Variants in TOX observed in about 807,000 individuals in gnomAD.
The protein encoded by TOX is thymocyte selection associated high mobility group box, also known as thymocyte selection-associated high mobility group box protein TOX.
A neutral mutation model predicts 53.7 loss-of-function variants in TOX; 11 were observed. That is an observed-to-expected ratio of 0.20 (90% CI 0.13 to 0.34). The LOEUF (loss-of-function observed/expected upper bound fraction) is 0.34, where lower values mean the gene tolerates loss of function less well. Ranked by LOEUF, TOX falls within the 10% of genes least tolerant of loss-of-function variation. TOX has a pLI of 1.00. For missense variants in TOX, 570 were observed against 664.6 expected (o/e 0.86, Z 1.56); for synonymous variants, 225 against 245.3 (o/e 0.92, Z 0.77).
At chr8:58,944,871 A>T (rs1812501808) in intron 2 of TOX, among the ~76,000 whole-genome samples, 1 of 152,206 alleles carries the variant, frequency 6.6e-6, no homozygotes, top group African/African-American at 2.4e-5. Flanking sequence ...TTATAAAGGA[A>T]TTTCAGTATA....
intron 3 of TOX, among the ~76,000 whole-genome samples, chr8:58,856,398 C>T (rs60665035): frequency 0.32 from 48,972 of 151,960 alleles, 8,052 homozygotes; most frequent in Middle Eastern, 0.35. Context: ...AATGGTATTC[C>T]AAATATTCAA....
intron 3 of TOX, among the ~76,000 whole-genome samples, chr8:58,934,343 C>T (rs529670677): frequency 1.3e-5 from 2 of 152,302 alleles, no homozygotes; most frequent in East Asian, 1.9e-4. Context: ...TCTATGTATG[C>T]TGCACCCCAA....
intron 4 of TOX, among the ~76,000 whole-genome samples, chr8:58,843,937 T>G (rs553694770): frequency 6.8e-4 from 103 of 152,330 alleles, no homozygotes; most frequent in Non-Finnish European, 7.4e-4. Flanking sequence ...CGGATGCACT[T>G]TGAAAGATAC....
chr8:58,983,591 T>C (rs1488621359), intron 1 of TOX, among the ~76,000 whole-genome samples: 2 of 152,256 alleles, frequency 1.3e-5, no homozygotes, highest in East Asian at 1.9e-4. Flanking sequence ...TGAAAATCTG[T>C]AGAACTCCAT....
intron 1 of TOX, among the ~76,000 whole-genome samples, chr8:59,095,679 C>T (rs574003958): frequency 2.4e-4 from 37 of 152,304 alleles, no homozygotes; most frequent in Middle Eastern, 3.4e-3. Flanking sequence ...GGATTACAGG[C>T]GTGAGCCACT....
chr8:58,889,990 A>C (rs2129171776), intron 3 of TOX, among the ~76,000 whole-genome samples: 1 of 152,320 alleles, frequency 6.6e-6, no homozygotes, highest in East Asian at 1.9e-4. Context: ...TATTATTCAT[A>C]AAGGTTGGGT....
Position 58,825,670 on chromosome 8 carries a change from G to A in TOX, c.1005+1152C>T, listed in dbSNP as rs563396850. ...GGAGAATTAACTTTTTAAAAGCCCC[G>A]CTATGTTTTTGGCATAATTATCTGT... On this transcript the variant is annotated intron_variant, in intron 6 of 8. Coordinates refer to ENST00000361421, the MANE Select transcript of TOX (RefSeq NM_014729.3). Among the ~76,000 whole-genome samples the A allele has an allele frequency of 7.9e-5, 12 of 152,158 alleles. No individual in the cohort carries two copies. In the South Asian group the frequency reaches 1.5e-3, roughly 18 times the overall value.
chr8:59,057,146 G>A (rs556480149), intron 1 of TOX, among the ~76,000 whole-genome samples: 7 of 151,984 alleles, frequency 4.6e-5, no homozygotes, highest in Non-Finnish European at 8.8e-5. Flanking sequence ...GTGCTGCCTT[G>A]AGCACTACAT....
In TOX at chr8:58,885,629, G is replaced by A. The variant is rs569191051; in HGVS notation, c.412-33824C>T. Among the ~76,000 whole-genome samples, 16 of 152,140 alleles carry A rather than the reference G, an allele frequency of 1.1e-4. No homozygotes were observed. The East Asian group carries it at 1.4e-3, about 13-fold the overall frequency. On this transcript the variant is annotated intron_variant, in intron 3 of 8. Transcript: ENST00000361421. Reference sequence around the variant, plus strand: ...AGTTTTCAATTGAGATTCACTTATCGCCTGTTCTTGGCTAATGTTTCTCTG... The same window carrying A: ...AGTTTTCAATTGAGATTCACTTATCACCTGTTCTTGGCTAATGTTTCTCTG...
chr8:59,055,794 C>A (rs1803878691), intron 1 of TOX, among the ~76,000 whole-genome samples: 1 of 152,102 alleles, frequency 6.6e-6, no homozygotes. Flanking sequence ...TGAATCTTTC[C>A]CAAATCAGCA....
chr8:59,026,478 T>C (rs826420), intron 1 of TOX, among the ~76,000 whole-genome samples: 58,572 of 152,076 alleles, frequency 0.39, 12,153 homozygotes, highest in East Asian at 0.66. Context: ...TACACGTGCA[T>C]GTACTTCACA....
intron 4 of TOX, among the ~76,000 whole-genome samples, chr8:58,840,098 ATACTT>A (rs1161849926): frequency 6.6e-6 from 1 of 152,238 alleles, no homozygotes; most frequent in Non-Finnish European, 1.5e-5. Flanking sequence ...TGGATGGAAA[ATACTT>A]TAATATTAAT....
At position 58,806,070 on chromosome 8, in the gene TOX, T is replaced by A. The variant is rs1809969720; in HGVS notation, c.*1677A>T. On this transcript the variant is annotated 3_prime_UTR_variant, in exon 9 of 9. Transcript: ENST00000361421. The stretch of plus-strand genomic sequence containing the variant: ...ATCCCCTAAAAAGGAGTAAATCTGC[T>A]AGCTTTTTCTTTTTTTAATGTGAAA... The A allele has an allele frequency of 6.6e-6, 1 of 152,420 alleles. No homozygotes were observed. The highest frequency in any genetic ancestry group is 2.4e-5 in the African/African-American group (1 of 41,450). 9.4% of individuals were successfully genotyped at this position (152,420 alleles called of 1,614,324 possible).
chr8:58,919,219 T>C (rs1812032358), intron 3 of TOX, among the ~76,000 whole-genome samples: 1 of 144,070 alleles, frequency 6.9e-6, no homozygotes, highest in South Asian at 2.3e-4. Flanking sequence ...AAAGTTCATA[T>C]GGAACCAAAA....
At chr8:58,853,464 C>T (rs1810860053) in intron 3 of TOX, among the ~76,000 whole-genome samples, 1 of 152,036 alleles carries the variant, frequency 6.6e-6, no homozygotes, top group African/African-American at 2.4e-5. Flanking sequence ...ATAGTGCAAG[C>T]TTGTTGAATG....
At chr8:58,829,243 T>A (rs1365865724) in intron 5 of TOX, among the ~76,000 whole-genome samples, 2 of 152,162 alleles carry the variant, frequency 1.3e-5, no homozygotes, top group African/African-American at 2.4e-5. Context: ...ATTTGTTGCT[T>A]AACAACCAGG....
intron 1 of TOX, among the ~76,000 whole-genome samples, chr8:58,990,920 T>A (rs1182945867): frequency 6.6e-6 from 1 of 152,230 alleles, no homozygotes; most frequent in Non-Finnish European, 1.5e-5. Flanking sequence ...TCAAAAACAG[T>A]TCCTTTGTCC....
At chr8:59,096,839 G>C (rs11993659) in intron 1 of TOX, among the ~76,000 whole-genome samples, 2 of 152,004 alleles carry the variant, frequency 1.3e-5, no homozygotes, top group Non-Finnish European at 2.9e-5. Flanking sequence ...TGTTCTTTCC[G>C]ATTCTGTAAC....
At chr8:58,955,447 A>C (rs2129178020) in intron 2 of TOX, among the ~76,000 whole-genome samples, 1 of 152,282 alleles carries the variant, frequency 6.6e-6, no homozygotes, top group South Asian at 2.1e-4. Flanking sequence ...AACCAAACAG[A>C]AGGAAATGGT....
Sources: gnomAD v4.1 joint callset for allele counts (sites outside exome capture counted in the v4.1 genomes callset) on GRCh38, gnomAD v4.1.1 for gene constraint, MANE v1.5 for transcripts, NCBI Gene and HGNC (gene_info 2026-07-23, HGNC 2026-07-21) for gene names.